The following SULT2A1 variants were observed in gnomAD, a reference collection of about 807,000 sequenced individuals.
The protein encoded by SULT2A1 is sulfotransferase family 2A member 1, also known as sulfotransferase 2A1.
SULT2A1 carries 43 observed loss-of-function variants against 33.9 expected under a neutral mutation model. The ratio of observed to expected loss-of-function variants is 1.27; its 90% CI spans 1.00 to 1.64. SULT2A1 has a LOEUF of 1.64. Ranked by LOEUF, SULT2A1 falls within the 40% of genes most tolerant of loss-of-function variation. The pLI is 0.00. For synonymous variants in SULT2A1, 125 were observed against 113.6 expected, an observed-to-expected ratio of 1.10 and a Z score of -0.64; for missense variants, 300 against 335.1, an observed-to-expected ratio of 0.90 and a Z score of 0.82.
At chr19:47,876,645 C>A (rs1013220383) in intron 4 of SULT2A1, among the ~76,000 whole-genome samples, 5 of 151,606 alleles carry the variant, frequency 3.3e-5, no homozygotes, top group African/African-American at 1.2e-4. Flanking sequence ...TAGTGCATGC[C>A]TGTAATCCTA....
At chr19:47,879,522 CA>C (rs1273996869) in intron 3 of SULT2A1, among the ~76,000 whole-genome samples, 1 of 151,984 alleles carries the variant, frequency 6.6e-6, no homozygotes, top group Non-Finnish European at 1.5e-5. Flanking sequence ...TGAGTGCCAG[CA>C]GGGGAAATGC....
intron 2 of SULT2A1, among the ~76,000 whole-genome samples, chr19:47,882,535 G>A (rs1013722996): frequency 1.1e-4 from 16 of 152,110 alleles, no homozygotes; most frequent in African/African-American, 3.9e-4. Flanking sequence ...TCATTAACAG[G>A]AGAATGAATT....
intron 5 of SULT2A1, among the ~76,000 whole-genome samples, chr19:47,871,983 T>C (rs1968497193): frequency 6.6e-6 from 1 of 151,864 alleles, no homozygotes; most frequent in Non-Finnish European, 1.5e-5. Context: ...AGTAGCGCGA[T>C]CTTGGCTCAC....
intron 4 of SULT2A1, among the ~76,000 whole-genome samples, chr19:47,878,573 A>C (rs1968570866): frequency 1.4e-5 from 2 of 138,234 alleles, no homozygotes; most frequent in Admixed American, 7.7e-5. Context: ...CAGTGGCATG[A>C]TCTTGGCATA....
At chr19:47,872,817 G>A (rs1968505696) in intron 5 of SULT2A1, among the ~76,000 whole-genome samples, 1 of 148,920 alleles carries the variant, frequency 6.7e-6, no homozygotes, top group African/African-American at 2.5e-5. Flanking sequence ...GGAGTACAGT[G>A]TTGTAATCTC....
intron 4 of SULT2A1, among the ~76,000 whole-genome samples, chr19:47,878,575 C>T (rs2431829): frequency 0.77 from 113,574 of 146,950 alleles, 43,949 homozygotes; most frequent in African/African-American, 0.85. Context: ...GTGGCATGAT[C>T]TTGGCATATC....
chr19:47,876,948 GC>G (rs1968550938), intron 4 of SULT2A1, among the ~76,000 whole-genome samples: 1 of 149,146 alleles, frequency 6.7e-6, no homozygotes, highest in African/African-American at 2.5e-5. Flanking sequence ...ATGGCGGCGT[GC>G]ATCTGTAGTC....
At chr19:47,882,795 G>T (rs1439202446) in intron 2 of SULT2A1, among the ~76,000 whole-genome samples, 1 of 152,016 alleles carries the variant, frequency 6.6e-6, no homozygotes, top group Non-Finnish European at 1.5e-5. Flanking sequence ...CACACCTCTA[G>T]TCCTAGCTAC....
chr19:47,879,027 TG>T lies in SULT2A1; in HGVS notation c.567+8del. The T allele has an allele frequency of 6.3e-7, 1 of 1,576,196 alleles. No individual in the cohort carries two copies. The highest frequency in any genetic ancestry group is 8.7e-7 in the Non-Finnish European group (1 of 1,145,530). On this transcript the variant is annotated splice_region_variant and intron_variant, in intron 4 of 5. Transcript: ENST00000222002. Reference sequence around the variant, plus strand: ...GGGTGTGCACTGACTCTAAAAATGATGGGATTACCTGTTTCAGCTCCTCATA... The same window carrying T: ...GGGTGTGCACTGACTCTAAAAATGATGGATTACCTGTTTCAGCTCCTCATA...
In SULT2A1 at chr19:47,882,292, C is replaced by T. The variant is rs1402267222; in HGVS notation, c.346-82G>A. The T allele has an allele frequency of 6.0e-6, 9 of 1,508,660 alleles. No homozygotes were observed. The East Asian group carries it at 1.6e-4, about 27-fold the overall frequency. 93.5% of individuals were successfully genotyped at this position (1,508,660 alleles called of 1,614,324 possible). A position where few individuals can be genotyped will look rare whatever the true frequency, so the allele number is the denominator to read the frequency against. On this transcript the variant is annotated intron_variant, in intron 2 of 5. Transcript: ENST00000222002. ...GATCTTCACAAAAATGGAGAAAAAG[C>T]CAATTCCTGGATAATGCCTAATAAT...
At position 47,874,654 on chromosome 19, in the gene SULT2A1, T is replaced by C. The variant is rs914277588; in HGVS notation, c.745+3A>G. 6.2e-7 allele frequency: 1 copy of C among 1,611,840 alleles called. No homozygotes were observed. Among genetic ancestry groups the C allele is most frequent in the Non-Finnish European group, 8.5e-7 (1 of 1,179,172 alleles). ...ATTTGGAAACCAGAGGATTTTCTTT[T>C]ACCTTTTCTCAGAAGTTGTGCTTTG... On this transcript the variant is annotated splice_donor_region_variant and intron_variant, in intron 5 of 5. Transcript: ENST00000222002.
Position 47,886,239 on chromosome 19 carries a change from A to C in SULT2A1, c.19T>G (p.Trp7Gly), listed in dbSNP as rs761884884. 5 of 1,613,988 alleles carry C rather than the reference A, an allele frequency of 3.1e-6. No homozygotes were observed. Among genetic ancestry groups the C allele is most frequent in the Non-Finnish European group, 4.2e-6 (5 of 1,179,956 alleles). Residue 7 changes from tryptophan to glycine, a missense_variant, in exon 1 of 6, where the codon TGG (tryptophan) becomes GGG (glycine). Trp to Gly is a radical substitution (Grantham distance 184). Coordinates refer to ENST00000222002, the MANE Select transcript of SULT2A1 (RefSeq NM_003167.4). MSDDFL[W>G]FEGIAFPTMG... is the part of the protein sequence containing the mutation. ...GTAGGGAAAGCTATGCCTTCAAACC[A>C]TAAGAAATCGTCCGACATGATGATG... is the stretch of plus-strand genomic sequence containing the variant.
rs1005619998 is a variant in SULT2A1, at chr19:47,870,521, A to G, written c.*934T>C. On this transcript the variant is annotated 3_prime_UTR_variant, in exon 6 of 6. Coordinates refer to ENST00000222002, the MANE Select transcript of SULT2A1 (RefSeq NM_003167.4). Reference sequence around the variant, plus strand: ...TAACAACACAGAGTAAGAGGATAAAATTAGATTGCAAATTACACTCCTTAA... The same window carrying G: ...TAACAACACAGAGTAAGAGGATAAAGTTAGATTGCAAATTACACTCCTTAA... The G allele has an allele frequency of 6.8e-6, 1 of 147,994 alleles. No individual in the cohort carries two copies. Among genetic ancestry groups the G allele is most frequent in the African/African-American group, 2.4e-5 (1 of 41,180 alleles). The allele number at this position is 147,994 out of a possible 1,614,324, so 9.2% of individuals were successfully genotyped here.
chr19:47,886,155 C>T lies in SULT2A1; in HGVS notation c.103G>A (p.Glu35Lys). Residue 35 changes from glutamate (E) to lysine (K), a missense_variant, in exon 1 of 6, where the codon GAA becomes AAA. Physicochemically the swap from Glu to Lys is moderately conservative, Grantham distance 56 (BLOSUM62 1). Coordinates refer to ENST00000222002, the MANE Select transcript of SULT2A1 (RefSeq NM_003167.4). The part of the protein sequence containing the change: ...KVRDEFVIRD[E>K]DVIILTYPKS... ...GGGTAAGTCAATATTATTACATCTTCATCCCTTATCACGAACTCATCACGT... is the reference window on the plus strand; with the variant it reads ...GGGTAAGTCAATATTATTACATCTTTATCCCTTATCACGAACTCATCACGT... The T allele has an allele frequency of 6.2e-7, 1 of 1,614,142 alleles. No homozygotes were observed. Among genetic ancestry groups the T allele is most frequent in the African/African-American group, 1.3e-5 (1 of 75,058 alleles).
intron 5 of SULT2A1, among the ~76,000 whole-genome samples, chr19:47,873,844 T>C (rs1023160284): frequency 2.0e-5 from 3 of 151,242 alleles, no homozygotes; most frequent in South Asian, 2.1e-4. Context: ...AGGATGGTCT[T>C]GATCTCCTGA....
chr19:47,874,560 A>AAAAAAT, intron 5 of SULT2A1, 97 bp downstream of exon 5: 1 of 882,288 alleles, frequency 1.1e-6, no homozygotes, highest in Non-Finnish European at 1.7e-6. Flanking sequence ...AAAAAAAAAA[A>AAAAAAT]GCACTCTTTC....
Position 47,874,818 on chromosome 19 carries a change from A to G in SULT2A1, c.584T>C (p.Ile195Thr). ...EELKQDTGRTIEKICQFLGKT... is the reference protein window; with the variant it reads ...EELKQDTGRTTEKICQFLGKT... ...TCCCAGGAATTGACAGATCTTCTCT[A>G]TGGTTCTTCCTGTGTCCTAAAAAAG... Residue 195 changes from isoleucine to threonine, a missense_variant, in exon 5 of 6, where the codon ATA (isoleucine) becomes ACA (threonine). Ile to Thr is a moderately conservative substitution (Grantham distance 89). Transcript: ENST00000222002. The G allele has an allele frequency of 6.2e-7, 1 of 1,613,922 alleles. No individual in the cohort carries two copies. The highest frequency in any genetic ancestry group is 1.1e-5 in the South Asian group (1 of 91,036).
chr19:47,886,297 G>A lies in SULT2A1; in HGVS notation c.-40C>T. On this transcript the variant is annotated 5_prime_UTR_variant, in exon 1 of 6. Coordinates refer to ENST00000222002, the MANE Select transcript of SULT2A1 (RefSeq NM_003167.4). ...CCTGCGTGGTGTGAGGGTTTCAACT[G>A]TAGCCACCGCTGGAGGCTGTGGCAG... is the stretch of plus-strand genomic sequence containing the variant. The A allele has an allele frequency of 6.2e-7, 1 of 1,610,028 alleles. No individual in the cohort carries two copies. Among genetic ancestry groups the A allele is most frequent in the South Asian group, 1.1e-5 (1 of 90,456 alleles).
chr19:47,878,708 G>C (rs1365562767), intron 4 of SULT2A1, among the ~76,000 whole-genome samples: 2 of 150,464 alleles, frequency 1.3e-5, no homozygotes, highest in African/African-American at 4.9e-5. Flanking sequence ...GTAGAGATGG[G>C]GTTTTATCAT....
Sources: allele counts gnomAD v4.1 joint callset (sites outside exome capture counted in the v4.1 genomes callset), GRCh38; gene constraint gnomAD v4.1.1; transcripts MANE v1.5; gene names NCBI Gene and HGNC (gene_info 2026-07-23, HGNC 2026-07-21).